EHD4: variants seen among roughly 807,000 people sequenced by gnomAD.
EHD4 encodes EH domain-containing protein 4.
Under a neutral mutation model 51.0 loss-of-function variants are expected in EHD4, and 37 were observed. That is an observed-to-expected ratio of 0.73 (90% CI 0.56 to 0.95). EHD4 has a LOEUF of 0.95. Among genes scored for constraint, EHD4 ranks in the 40% least tolerant of loss-of-function variants. EHD4 has a pLI of 0.00. For synonymous variants in EHD4, 297 were observed against 317.3 expected (o/e 0.94, Z 0.68); for missense variants, 632 against 733.1 (o/e 0.86, Z 1.59).
Position 41,929,258 on chromosome 15 carries a change from T to C in EHD4, c.512-9636A>G, listed in dbSNP as rs544709739. 9.8e-5 allele frequency among the ~76,000 whole-genome samples: 15 copies of C among 152,356 alleles called. 1 individual carries two copies. The East Asian group carries it at 2.9e-3, about 29-fold the overall frequency. ...TGTAAATTAATTTTTCTGTGCCTGT[T>C]TCCTCATAAAATAAACAAGCTAACC... On this transcript the variant is annotated intron_variant, in intron 3 of 5. Coordinates refer to ENST00000220325, the MANE Select transcript of EHD4 (RefSeq NM_139265.4).
Position 41,972,404 on chromosome 15 carries a change from G to A in EHD4, c.91C>T (p.Leu31Phe), listed in dbSNP as rs1314787272. 1 of 1,610,126 alleles carries A rather than the reference G, an allele frequency of 6.2e-7. No homozygotes were observed. Among genetic ancestry groups the A allele is most frequent in the East Asian group, 2.2e-5 (1 of 44,672 alleles). ...AGCGGCAGCACCTTGCGCAGGTAGA[G>A]CGAGCGCAGCCCGCCCGTCACCGTC... is the stretch of plus-strand genomic sequence containing the variant. ...VQTVTGGLRS[L>F]YLRKVLPLEE... Residue 31 changes from leucine (L) to phenylalanine (F), a missense_variant, in exon 1 of 6, where the codon CTC becomes TTC. Physicochemically the swap from Leu to Phe is conservative, Grantham distance 22. Coordinates refer to ENST00000220325, the MANE Select transcript of EHD4 (RefSeq NM_139265.4).
In EHD4 at chr15:41,919,280, A is replaced by G. The variant is rs1230473249; in HGVS notation, c.854T>C (p.Ile285Thr). The change falls in exon 4 of 6, where the codon ATC (isoleucine) becomes ACC (threonine). Residue 285 changes from isoleucine (I) to threonine (T), a missense_variant. By Grantham distance (89) the Ile-to-Thr change is moderately conservative (BLOSUM62 -1). Coordinates refer to ENST00000220325, the MANE Select transcript of EHD4 (RefSeq NM_139265.4). ...EAEAQDLFRD[I>T]QSLPQKAAVR... ...CGCTGCCTTCTGGGGGAGGCTCTGGATGTCTCTAAAGAGGTCCTGGGCCTC... is the reference window on the plus strand; with the variant it reads ...CGCTGCCTTCTGGGGGAGGCTCTGGGTGTCTCTAAAGAGGTCCTGGGCCTC... The G allele has an allele frequency of 6.2e-7, 1 of 1,614,118 alleles. No individual in the cohort carries two copies. Among genetic ancestry groups the G allele is most frequent in the Non-Finnish European group, 8.5e-7 (1 of 1,180,036 alleles).
At position 41,919,588 on chromosome 15, in the gene EHD4, G is replaced by A. The variant is rs145101817; in HGVS notation, c.546C>T (p.Ala182=). ...YDFCQVLQWF[A]ERVDRIILLF... ...GCAGGATGATCCTGTCCACCCTCTC[G>A]GCAAACCACTGCAGGACCTGGCAGA... The change falls in exon 4 of 6, where the codon GCC becomes GCT. Residue 182 remains alanine, a synonymous_variant. Transcript: ENST00000220325. 7.8e-5 allele frequency: 118 copies of A among 1,516,916 alleles called. No individual in the cohort carries two copies. The African/African-American group carries it at 9.2e-4, about 12-fold the overall frequency. 94.0% of individuals were successfully genotyped at this position (1,516,916 alleles called of 1,614,324 possible). A position where few individuals can be genotyped will look rare whatever the true frequency, so the allele number is the denominator to read the frequency against.
rs755766198 is a variant in EHD4 at position 41,909,833 on chromosome 15, T to A, written c.955A>T (p.Lys319Ter). ...TTTCCAAATACACTTGGCATCTCCT[T>A]CTTCAGGTAGCTGATGATGTAGGCA... ...VHAYIISYLKKEMPSVFGKEN... is the reference protein window; with the variant it reads ...VHAYIISYLK Residue 319 changes from lysine to a stop codon, truncating the protein, a stop_gained, in exon 5 of 6, where the codon AAG (lysine) becomes TAG (stop). Coordinates refer to ENST00000220325, the MANE Select transcript of EHD4 (RefSeq NM_139265.4). LOFTEE classifies it high-confidence loss of function. 6.2e-7 allele frequency: 1 copy of A among 1,614,226 alleles called. No homozygotes were observed. The highest frequency in any genetic ancestry group is 1.1e-5 in the South Asian group (1 of 91,088).
chr15:41,951,508 A>C (rs2067852323), intron 2 of EHD4, among the ~76,000 whole-genome samples: 1 of 152,052 alleles, frequency 6.6e-6, no homozygotes. Flanking sequence ...ATCATTTGCC[A>C]AAATAAAGCA....
At position 41,924,366 on chromosome 15, in the gene EHD4, G is replaced by C. The variant is rs1404180403; in HGVS notation, c.512-4744C>G. Among the ~76,000 whole-genome samples the C allele has an allele frequency of 4.6e-5, 7 of 152,296 alleles. No homozygotes were observed. The South Asian group carries it at 1.5e-3, about 32-fold the overall frequency. ...CATCACTTACTAATTCTGCGACCTT[G>C]GGCAAATTACTTCACCTCTCTGTGC... On this transcript the variant is annotated intron_variant, in intron 3 of 5. Coordinates refer to ENST00000220325, the MANE Select transcript of EHD4 (RefSeq NM_139265.4).
At chr15:41,913,878 G>A (rs2067565585) in intron 4 of EHD4, among the ~76,000 whole-genome samples, 1 of 152,174 alleles carries the variant, frequency 6.6e-6, no homozygotes, top group Non-Finnish European at 1.5e-5. Context: ...GCATCTAATG[G>A]GGATGACTGG....
chr15:41,958,267 T>C (rs775677159), intron 1 of EHD4, among the ~76,000 whole-genome samples: 11 of 151,974 alleles, frequency 7.2e-5, no homozygotes, highest in Non-Finnish European at 1.0e-4. Context: ...CCAGCAATGA[T>C]TGCTCCAAGG....
Position 41,919,626 on chromosome 15 carries a change from G to T in EHD4, c.512-4C>A, listed in dbSNP as rs561884520. Reference sequence around the variant, plus strand: ...AGGACCTGGCAGAAGTCATAGCCTGGGTGGAGAGAAGGACACGTCAGTGTA... The same window carrying T: ...AGGACCTGGCAGAAGTCATAGCCTGTGTGGAGAGAAGGACACGTCAGTGTA... On this transcript the variant is annotated splice_region_variant and splice_polypyrimidine_tract_variant and intron_variant, in intron 3 of 5. Transcript: ENST00000220325. 10 of 1,509,086 alleles carry T rather than the reference G, an allele frequency of 6.6e-6. 1 individual carries two copies. In the South Asian group the frequency reaches 1.4e-4, roughly 21 times the overall value. 93.5% of individuals were successfully genotyped at this position (1,509,086 alleles called of 1,614,324 possible). A position where few individuals can be genotyped will look rare whatever the true frequency, so the allele number is the denominator to read the frequency against.
chr15:41,923,672 G>A (rs2067642423), intron 3 of EHD4, among the ~76,000 whole-genome samples: 1 of 152,176 alleles, frequency 6.6e-6, no homozygotes, highest in Admixed American at 6.5e-5. Flanking sequence ...ATACCAGGGT[G>A]GGGAAATTGT....
intron 2 of EHD4, among the ~76,000 whole-genome samples, chr15:41,946,772 G>T (rs922761283): frequency 5.3e-5 from 8 of 152,060 alleles, no homozygotes; most frequent in African/African-American, 1.9e-4. Context: ...AGGGGGCAAG[G>T]AGATTACTTA....
intron 3 of EHD4, among the ~76,000 whole-genome samples, chr15:41,923,497 C>T (rs1268082041): frequency 6.6e-6 from 1 of 152,174 alleles, no homozygotes; most frequent in African/African-American, 2.4e-5. Flanking sequence ...AAAGCCTGTT[C>T]CTGTGTTGGA....
chr15:41,897,150 C>A lies in EHD4; in HGVS notation c.*3495G>T, dbSNP rs2067444193. The A allele has an allele frequency of 6.6e-6, 1 of 152,268 alleles. No individual in the cohort carries two copies. Among genetic ancestry groups the A allele is most frequent in the Admixed American group, 6.5e-5 (1 of 15,280 alleles). The allele number at this position is 152,268 out of a possible 1,614,324, so 9.4% of individuals were successfully genotyped here. A position where few individuals can be genotyped will look rare whatever the true frequency, so the allele number is the denominator to read the frequency against. On this transcript the variant is annotated 3_prime_UTR_variant, in exon 6 of 6. Coordinates refer to ENST00000220325, the MANE Select transcript of EHD4 (RefSeq NM_139265.4). ...TTAACCAACATTGGAACCCAATACT[C>A]TTGTATTAGGCCCGCATTTACCTGA...
At chr15:41,952,922 G>A (rs1293437700) in intron 2 of EHD4, among the ~76,000 whole-genome samples, 2 of 150,210 alleles carry the variant, frequency 1.3e-5, no homozygotes, top group African/African-American at 2.5e-5. Flanking sequence ...CCTGGGAGGC[G>A]GAGGTTGCAG....
intron 3 of EHD4, among the ~76,000 whole-genome samples, chr15:41,941,256 C>A (rs947350704): frequency 1.3e-5 from 2 of 152,190 alleles, no homozygotes; most frequent in African/African-American, 4.8e-5. Context: ...ATGTCACTTT[C>A]ATGGAACCCA....
At chr15:41,943,803 T>C (rs947413139) in intron 2 of EHD4, among the ~76,000 whole-genome samples, 3 of 152,216 alleles carry the variant, frequency 2.0e-5, no homozygotes, top group African/African-American at 7.2e-5. Flanking sequence ...CCCCATCTGA[T>C]GCCCCAGGAA....
intron 1 of EHD4, among the ~76,000 whole-genome samples, chr15:41,967,280 A>C (rs1018903299): frequency 6.6e-6 from 1 of 152,072 alleles, no homozygotes; most frequent in African/African-American, 2.4e-5. Flanking sequence ...AGCCTTTTCC[A>C]ACCCGCAAGC....
chr15:41,953,699 C>T (rs1275671133), intron 2 of EHD4, 65 bp downstream of exon 2: 1 of 1,489,576 alleles, frequency 6.7e-7, no homozygotes, highest in East Asian at 2.4e-5. Context: ...TTATATGTAA[C>T]TGGCAGTAAT....
intron 5 of EHD4, among the ~76,000 whole-genome samples, chr15:41,906,805 C>T (rs1257352419): frequency 6.6e-6 from 1 of 152,244 alleles, no homozygotes; most frequent in African/African-American, 2.4e-5. Context: ...ATGCACAGAG[C>T]CTGCTCCTAT....
Sources: gnomAD v4.1 joint callset for allele counts (sites outside exome capture counted in the v4.1 genomes callset) on GRCh38, gnomAD v4.1.1 for gene constraint, MANE v1.5 for transcripts, NCBI Gene and HGNC (gene_info 2026-07-23, HGNC 2026-07-21) for gene names.